The following DAB1 variants were observed in gnomAD, a reference collection of about 807,000 sequenced individuals.
The protein encoded by DAB1 is DAB adaptor protein 1.
In DAB1, 15 loss-of-function variants were observed where a neutral mutation model predicts 64.6. The ratio of observed to expected loss-of-function variants is 0.23; its 90% CI spans 0.16 to 0.36. DAB1 has a LOEUF of 0.36. DAB1 is among the 10% of genes least tolerant of loss of function. The pLI, the probability that DAB1 is intolerant of heterozygous loss-of-function variation, is 1.00. For synonymous variants in DAB1, 235 were observed against 251.9 expected (o/e 0.93, Z 0.64); for missense variants, 596 against 706.7 (o/e 0.84, Z 1.78).
At chr1:57,272,664 C>A (rs1238832418) in intron 2 of DAB1, among the ~76,000 whole-genome samples, 1 of 152,200 alleles carries the variant, frequency 6.6e-6, no homozygotes, top group Non-Finnish European at 1.5e-5. Context: ...GACTGATCAA[C>A]TTGTAACTCT....
At chr1:58,388,665 G>A (rs1644453251) in intron 3 of DAB1, among the ~76,000 whole-genome samples, 1 of 152,196 alleles carries the variant, frequency 6.6e-6, no homozygotes, top group Non-Finnish European at 1.5e-5. Context: ...TTAAGCCGCT[G>A]TGGTCAGGTT....
intron 5 of DAB1, among the ~76,000 whole-genome samples, chr1:57,965,420 C>T (rs540222331): frequency 6.6e-6 from 1 of 152,106 alleles, no homozygotes; most frequent in Non-Finnish European, 1.5e-5. Flanking sequence ...TAATTCTATT[C>T]TCTAACCTCT....
At chr1:57,851,210 G>T (rs531730696) in intron 1 of DAB1, among the ~76,000 whole-genome samples, 9 of 152,312 alleles carry the variant, frequency 5.9e-5, no homozygotes, top group African/African-American at 2.2e-4. Flanking sequence ...TATTTGCATA[G>T]GATTTGCATA....
intron 3 of DAB1, among the ~76,000 whole-genome samples, chr1:58,396,581 A>C (rs1283510732): frequency 6.6e-6 from 1 of 152,028 alleles, no homozygotes; most frequent in Non-Finnish European, 1.5e-5. Context: ...ATATGCAAGG[A>C]GGGAGACACA....
intron 6 of DAB1, among the ~76,000 whole-genome samples, chr1:57,654,817 C>T (rs11588804): frequency 0.16 from 24,952 of 152,084 alleles, 3,006 homozygotes; most frequent in East Asian, 0.59. Context: ...CTTAATTTCC[C>T]TTTACGGTAA....
chr1:57,029,398 G>A (rs1314241639), intron 9 of DAB1, among the ~76,000 whole-genome samples: 1 of 152,228 alleles, frequency 6.6e-6, no homozygotes, highest in African/African-American at 2.4e-5. Context: ...CTAGGGCAGT[G>A]TGGAAGGGAA....
chr1:57,891,616 C>T (rs1458769720), intron 5 of DAB1, among the ~76,000 whole-genome samples: 2 of 152,116 alleles, frequency 1.3e-5, no homozygotes, highest in African/African-American at 4.8e-5. Context: ...CCCAAATGCC[C>T]ATCAATAATA....
chr1:58,181,338 CTAAAA>C (rs552818048), intron 4 of DAB1, among the ~76,000 whole-genome samples: 5 of 152,200 alleles, frequency 3.3e-5, no homozygotes, highest in Non-Finnish European at 7.4e-5. Context: ...TTGACTCAAT[CTAAAA>C]TATGTGTTTT....
At chr1:57,369,919 C>T (rs377063993) in intron 1 of DAB1, among the ~76,000 whole-genome samples, 13 of 152,180 alleles carry the variant, frequency 8.5e-5, no homozygotes, top group African/African-American at 1.4e-4. Flanking sequence ...TACGAAGTCA[C>T]GTTGTTGGGT....
Position 57,394,260 on chromosome 1 carries a change from G to A in DAB1, c.-137+29670C>T, listed in dbSNP as rs538628525. On this transcript the variant is annotated intron_variant, in intron 1 of 14. Coordinates refer to ENST00000371236, the MANE Select transcript of DAB1 (RefSeq NM_001365792.1). ...CTATCAGACCAACATCAGACCCAAC[G>A]GGCGTTGTGTTGCAAAGACAAACTG... Among the ~76,000 whole-genome samples the A allele has an allele frequency of 3.5e-4, 53 of 152,278 alleles. No individual in the cohort carries two copies. The South Asian group carries it at 0.011, about 30-fold the overall frequency.
At chr1:57,702,831 C>G (rs766236944) in intron 6 of DAB1, among the ~76,000 whole-genome samples, 2 of 152,062 alleles carry the variant, frequency 1.3e-5, no homozygotes, top group Non-Finnish European at 2.9e-5. Context: ...GGTACTGGTA[C>G]AAAAACAGAC....
chr1:57,237,137 T>C (rs1668147522), intron 2 of DAB1, among the ~76,000 whole-genome samples: 1 of 152,176 alleles, frequency 6.6e-6, no homozygotes, highest in Non-Finnish European at 1.5e-5. Context: ...AGAGAGATTG[T>C]TTCATTTAGG....
intron 5 of DAB1, among the ~76,000 whole-genome samples, chr1:57,909,262 C>T (rs190484712): frequency 2.4e-4 from 36 of 152,234 alleles, no homozygotes; most frequent in African/African-American, 7.7e-4. Flanking sequence ...CTTCATAAAG[C>T]GAGGAATCAT....
intron 9 of DAB1, among the ~76,000 whole-genome samples, chr1:57,028,476 G>A (rs894296008): frequency 2.6e-5 from 4 of 152,172 alleles, no homozygotes; most frequent in African/African-American, 9.7e-5. Context: ...TTGCTGAAAA[G>A]ATACCCAAAA....
chr1:57,180,677 C>G (rs544548168), intron 2 of DAB1, among the ~76,000 whole-genome samples: 6 of 152,024 alleles, frequency 3.9e-5, no homozygotes, highest in African/African-American at 1.2e-4. Flanking sequence ...GACTCCCCCC[C>G]ACAACAAACA....
chr1:57,293,515 C>T (rs979240411), intron 1 of DAB1, among the ~76,000 whole-genome samples: 12 of 152,078 alleles, frequency 7.9e-5, no homozygotes, highest in Admixed American at 1.3e-4. Context: ...GTCTGGCATG[C>T]CTCCTGGTAA....
At chr1:58,380,193 T>A (rs116767792) in intron 3 of DAB1, among the ~76,000 whole-genome samples, 44 of 152,310 alleles carry the variant, frequency 2.9e-4, no homozygotes, top group African/African-American at 1.0e-3. Flanking sequence ...CCCCACATGT[T>A]GAAGGAGGGA....
intron 1 of DAB1, among the ~76,000 whole-genome samples, chr1:57,850,485 C>T (rs1180472561): frequency 6.6e-6 from 1 of 150,412 alleles, no homozygotes; most frequent in African/African-American, 2.5e-5. Context: ...GAAAATGAAA[C>T]CATTTATTAT....
intron 1 of DAB1, among the ~76,000 whole-genome samples, chr1:57,871,003 TG>T (rs1322049943): frequency 1.2e-4 from 18 of 152,280 alleles, no homozygotes; most frequent in Admixed American, 7.2e-4. Context: ...ATTCAATAAA[TG>T]GCTGACAATA....
Sources: allele counts gnomAD v4.1 joint callset (sites outside exome capture counted in the v4.1 genomes callset), GRCh38; gene constraint gnomAD v4.1.1; transcripts MANE v1.5; gene names NCBI Gene and HGNC (gene_info 2026-07-23, HGNC 2026-07-21).